The following ZCCHC7 variants were observed in gnomAD, a reference collection of about 807,000 sequenced individuals.
ZCCHC7 encodes zinc finger CCHC domain-containing protein 7.
In ZCCHC7, 35 loss-of-function variants were observed where a neutral mutation model predicts 52.0. The ratio of observed to expected loss-of-function variants is 0.67; its 90% CI spans 0.51 to 0.89. ZCCHC7 has a LOEUF of 0.89. ZCCHC7 is among the 40% of genes least tolerant of loss of function. The probability of loss-of-function intolerance (pLI) is 0.00; values close to 1 mark genes in which losing one functional copy is unlikely to be tolerated. For missense variants in ZCCHC7, 574 were observed against 649.1 expected (o/e 0.88, Z 1.26); for synonymous variants, 217 against 221.5 (o/e 0.98, Z 0.18).
intron 1 of ZCCHC7, among the ~76,000 whole-genome samples, chr9:37,125,085 A>G (rs890516575): frequency 6.6e-6 from 1 of 152,182 alleles, no homozygotes; most frequent in African/African-American, 2.4e-5. Flanking sequence ...CTCCTGACTC[A>G]AGTGATCCAC....
intron 2 of ZCCHC7, among the ~76,000 whole-genome samples, chr9:37,136,054 T>C (rs1251823894): frequency 6.6e-6 from 1 of 152,206 alleles, no homozygotes. Context: ...TGTTTGTTTT[T>C]CTTTTCCTGT....
At position 37,316,868 on chromosome 9, in the gene ZCCHC7, CTT is replaced by C. The variant is rs34953424; in HGVS notation, c.952-10917_952-10916del. Among the ~76,000 whole-genome samples the C allele has an allele frequency of 6.0e-3, 842 of 140,228 alleles. 13 individuals are homozygous for C. The highest frequency in any genetic ancestry group is 0.013 in the African/African-American group (504 of 37,646). The allele number at this position is 140,228 out of a possible 152,430, so 92.0% of individuals were successfully genotyped here. ...TACTGGTGGGATTTCACATAAGCCT[CTT>C]TTTTTTTTTTTTTAATATACCAATA... is the stretch of plus-strand genomic sequence containing the variant. On this transcript the variant is annotated intron_variant, in intron 5 of 8. Coordinates refer to ENST00000336755, the MANE Select transcript of ZCCHC7 (RefSeq NM_032226.3).
intron 1 of ZCCHC7, 132 bp from the exon 2 acceptor site, chr9:37,126,180 G>A: frequency 1.1e-6 from 1 of 926,948 alleles, no homozygotes; most frequent in South Asian, 1.8e-5. Flanking sequence ...TGGAAAAAAA[G>A]GTATTTTAAT....
chr9:37,332,839 G>C (rs1830504046), intron 6 of ZCCHC7, among the ~76,000 whole-genome samples: 1 of 151,528 alleles, frequency 6.6e-6, no homozygotes, highest in African/African-American at 2.4e-5. Context: ...AATTATAAAT[G>C]CATGTTATTT....
At chr9:37,272,496 A>C (rs906137477) in intron 2 of ZCCHC7, among the ~76,000 whole-genome samples, 3 of 148,388 alleles carry the variant, frequency 2.0e-5, no homozygotes, top group African/African-American at 7.3e-5. Context: ...TGTGGTAAAA[A>C]AAAAAAAAAA....
intron 2 of ZCCHC7, among the ~76,000 whole-genome samples, chr9:37,294,612 T>C (rs898195101): frequency 1.3e-5 from 2 of 152,218 alleles, no homozygotes; most frequent in African/African-American, 4.8e-5. Flanking sequence ...TCTTACTGAA[T>C]TTTTATTATA....
chr9:37,182,415 C>G (rs964129831), intron 2 of ZCCHC7, among the ~76,000 whole-genome samples: 8 of 149,194 alleles, frequency 5.4e-5, no homozygotes, highest in African/African-American at 1.7e-4. Context: ...TAGTTTCGCT[C>G]TGTCACCTAG....
At chr9:37,269,628 A>C (rs1330077019) in intron 2 of ZCCHC7, among the ~76,000 whole-genome samples, 2 of 145,110 alleles carry the variant, frequency 1.4e-5, no homozygotes, top group East Asian at 2.1e-4. Flanking sequence ...CAAAAAAAAA[A>C]AAAAAAAAAA....
intron 5 of ZCCHC7, among the ~76,000 whole-genome samples, chr9:37,322,619 T>C (rs1186833252): frequency 2.7e-5 from 4 of 150,352 alleles, no homozygotes; most frequent in Admixed American, 1.3e-4. Context: ...ACTAAAAACA[T>C]CGAGTAGACT....
chr9:37,221,470 T>C (rs920331445), intron 2 of ZCCHC7, among the ~76,000 whole-genome samples: 3 of 152,134 alleles, frequency 2.0e-5, no homozygotes, highest in East Asian at 1.9e-4. Flanking sequence ...AAAATATTAA[T>C]AGCAAAGAAT....
chr9:37,120,690 C>T lies in ZCCHC7; in HGVS notation c.-22+67C>T, dbSNP rs918743605. Reference sequence around the variant, plus strand: ...GACCCCTGCCTACCCTCCTTCTTGCCCGCCGGGCTGTGGAACTAGCGCGTG... The same window carrying T: ...GACCCCTGCCTACCCTCCTTCTTGCTCGCCGGGCTGTGGAACTAGCGCGTG... On this transcript the variant is annotated intron_variant, in intron 1 of 8. Transcript: ENST00000336755. 1.9e-5 allele frequency: 7 copies of T among 375,500 alleles called. No homozygotes were observed. The Admixed American group carries it at 3.2e-4, about 17-fold the overall frequency. 23.3% of individuals were successfully genotyped at this position (375,500 alleles called of 1,614,324 possible).
At chr9:37,307,402 T>G (rs1829378317) in intron 5 of ZCCHC7, among the ~76,000 whole-genome samples, 1 of 152,170 alleles carries the variant, frequency 6.6e-6, no homozygotes, top group South Asian at 2.1e-4. Context: ...GTTTATTTTA[T>G]ATTAACAGCT....
At chr9:37,288,099 C>A (rs941279879) in intron 2 of ZCCHC7, among the ~76,000 whole-genome samples, 1 of 151,820 alleles carries the variant, frequency 6.6e-6, no homozygotes, top group Non-Finnish European at 1.5e-5. Flanking sequence ...GGCATCATAG[C>A]AAAACCCCAT....
At chr9:37,138,675 C>T (rs7851239) in intron 2 of ZCCHC7, among the ~76,000 whole-genome samples, 63,557 of 150,622 alleles carry the variant, frequency 0.42, 14,811 homozygotes, top group African/African-American at 0.62. Context: ...ATTAAAATGT[C>T]ACTCACCTTA....
chr9:37,132,568 T>A (rs539923729), intron 2 of ZCCHC7, among the ~76,000 whole-genome samples: 2 of 152,324 alleles, frequency 1.3e-5, no homozygotes, highest in South Asian at 4.1e-4. Context: ...CACATGTGTG[T>A]ATGCATGTAT....
intron 2 of ZCCHC7, among the ~76,000 whole-genome samples, chr9:37,191,575 C>A (rs966356168): frequency 6.6e-6 from 1 of 152,096 alleles, no homozygotes. Flanking sequence ...AGACTAATCC[C>A]CACCCCCGAA....
At chr9:37,206,050 T>C (rs754169972) in intron 2 of ZCCHC7, among the ~76,000 whole-genome samples, 10 of 152,196 alleles carry the variant, frequency 6.6e-5, no homozygotes, top group Admixed American at 1.3e-4. Context: ...TTTTCTAATA[T>C]TAATATAGGC....
chr9:37,214,554 A>G (rs920233825), intron 2 of ZCCHC7, among the ~76,000 whole-genome samples: 6 of 152,210 alleles, frequency 3.9e-5, no homozygotes, highest in African/African-American at 1.4e-4. Context: ...TCTCATCACT[A>G]TATGGATAGA....
chr9:37,173,947 C>T (rs1197093632), intron 2 of ZCCHC7, among the ~76,000 whole-genome samples: 3 of 151,968 alleles, frequency 2.0e-5, no homozygotes, highest in Non-Finnish European at 2.9e-5. Flanking sequence ...TTGTGAAAGC[C>T]GTAACATCTC....
Sources: allele counts gnomAD v4.1 joint callset (sites outside exome capture counted in the v4.1 genomes callset), GRCh38; gene constraint gnomAD v4.1.1; transcripts MANE v1.5; gene names NCBI Gene and HGNC (gene_info 2026-07-23, HGNC 2026-07-21).